FRMD6: variants seen among roughly 807,000 people sequenced by gnomAD.
FRMD6 encodes FERM domain containing 6.
A neutral mutation model predicts 73.2 loss-of-function variants in FRMD6; 37 were observed. The observed-to-expected ratio is 0.51, with a 90% CI of 0.39 to 0.66. The LOEUF (loss-of-function observed/expected upper bound fraction) is 0.66, where lower values mean the gene tolerates loss of function less well. Ranked by LOEUF, FRMD6 falls within the 30% of genes least tolerant of loss-of-function variation. The pLI is 0.00. For missense variants in FRMD6, 714 were observed against 780.5 expected (o/e 0.91, Z 1.02); for synonymous variants, 273 against 282.2 (o/e 0.97, Z 0.33).
intron 2 of FRMD6, chr14:51,637,298 C>T (rs1267378854): frequency 6.6e-6 from 1 of 152,100 alleles, no homozygotes; most frequent in Admixed American, 6.5e-5. Context: ...GCAGAAAATT[C>T]TACCTAAGGA....
intron 3 of FRMD6, among the ~76,000 whole-genome samples, chr14:51,699,724 G>A (rs1896175101): frequency 6.6e-6 from 1 of 151,908 alleles, no homozygotes; most frequent in Non-Finnish European, 1.5e-5. Flanking sequence ...AGGTGGCAGA[G>A]GTATAGTGGC....
chr14:51,428,987 G>GAGAGGGTGAGAGAGAGAGGGGAGAA, the FRMD6 span, among the ~76,000 whole-genome samples: 1 of 144,900 alleles, frequency 6.9e-6, no homozygotes, highest in South Asian at 2.3e-4. Context: ...AGAGGGGAGA[G>GAGAGGGTGAGAGAGAGAGGGGAGAA]AGAGGGTGGG....
intron 1 of FRMD6, among the ~76,000 whole-genome samples, chr14:51,527,399 A>C (rs1043923241): frequency 6.6e-6 from 1 of 152,256 alleles, no homozygotes; most frequent in African/African-American, 2.4e-5. Flanking sequence ...GCTTGTCCCC[A>C]AACATCCATA....
At chr14:51,401,114 T>C in the FRMD6 span, among the ~76,000 whole-genome samples, 10 of 152,216 alleles carry the variant, frequency 6.6e-5, no homozygotes, top group Non-Finnish European at 1.2e-4. Context: ...TTTAAAATAA[T>C]GAGAAACCTT....
At chr14:51,712,459 T>G in intron 8 of FRMD6, 24 bp from the exon 9 acceptor site, 1 of 1,412,202 alleles carries the variant, frequency 7.1e-7, no homozygotes, top group Non-Finnish European at 1.0e-6. Context: ...TCCCATTAAC[T>G]CCATATGCAT....
chr14:51,410,678 CCCAAAGAAAACCAT>C, the FRMD6 span, among the ~76,000 whole-genome samples: 13 of 152,316 alleles, frequency 8.5e-5, no homozygotes, highest in African/African-American at 2.4e-4. Flanking sequence ...AAATCTACCA[CCCAAAGAAAACCAT>C]GGTCAAACAC....
the FRMD6 span, chr14:51,436,108 C>A: frequency 4.4e-6 from 1 of 225,432 alleles, no homozygotes; most frequent in South Asian, 6.7e-5. Context: ...GCCCTGAGAC[C>A]AGAGAAGACA....
chr14:51,477,270 C>T, the FRMD6 span, among the ~76,000 whole-genome samples: 1 of 152,008 alleles, frequency 6.6e-6, no homozygotes, highest in African/African-American at 2.4e-5. Flanking sequence ...ACTTCTCAAC[C>T]CTGAAGGCTA....
chr14:51,662,617 T>A (rs1036389846), intron 1 of FRMD6, among the ~76,000 whole-genome samples: 1 of 152,192 alleles, frequency 6.6e-6, no homozygotes, highest in Non-Finnish European at 1.5e-5. Flanking sequence ...GAAATTGGAC[T>A]GCCTCCTTAT....
At chr14:51,585,514 G>T (rs1480123930) in intron 2 of FRMD6, among the ~76,000 whole-genome samples, 1 of 152,128 alleles carries the variant, frequency 6.6e-6, no homozygotes, top group Non-Finnish European at 1.5e-5. Flanking sequence ...GGGATTAAAA[G>T]CAAAGACCTG....
chr14:51,589,562 G>A (rs1490008537), intron 2 of FRMD6, among the ~76,000 whole-genome samples: 1 of 151,828 alleles, frequency 6.6e-6, no homozygotes, highest in Non-Finnish European at 1.5e-5. Flanking sequence ...TCCACTGAGG[G>A]ATGAAAATGC....
chr14:51,405,400 A>G, the FRMD6 span, among the ~76,000 whole-genome samples: 1 of 152,154 alleles, frequency 6.6e-6, no homozygotes, highest in Admixed American at 6.5e-5. Context: ...TCAACTGTGT[A>G]TAAGTGTTCC....
chr14:51,451,698 C>A, the FRMD6 span, among the ~76,000 whole-genome samples: 584 of 152,284 alleles, frequency 3.8e-3, 2 homozygotes, highest in East Asian at 8.7e-3. Context: ...CTATTTAGTT[C>A]GCACAAGAGC....
chr14:51,570,357 C>T (rs974483399), exon 2 of FRMD6: 1 of 152,118 alleles, frequency 6.6e-6, no homozygotes, highest in Non-Finnish European at 1.5e-5. Flanking sequence ...GCCTTCATAT[C>T]TGTTTTTTTC....
At chr14:51,703,934 A>G (rs1896479286) in intron 5 of FRMD6, among the ~76,000 whole-genome samples, 1 of 152,048 alleles carries the variant, frequency 6.6e-6, no homozygotes, top group Non-Finnish European at 1.5e-5. Context: ...AAAGCATCCT[A>G]TTTGCCAGTA....
At chr14:51,400,026 G>T in the FRMD6 span, among the ~76,000 whole-genome samples, 59,554 of 151,700 alleles carry the variant, frequency 0.39, 12,389 homozygotes, top group African/African-American at 0.54. Context: ...GGGCACAATG[G>T]AATGTTTCAA....
intron 1 of FRMD6, among the ~76,000 whole-genome samples, chr14:51,525,945 T>C (rs1222530133): frequency 6.6e-6 from 1 of 152,054 alleles, no homozygotes; most frequent in East Asian, 1.9e-4. Context: ...AAAACCACCA[T>C]GAAAGGGGTG....
At chr14:51,525,010 T>TC (rs1885152061) in intron 1 of FRMD6, among the ~76,000 whole-genome samples, 1 of 51,004 alleles carries the variant, frequency 2.0e-5, no homozygotes, top group African/African-American at 8.0e-5. Flanking sequence ...GGATTGTGTG[T>TC]TGGGTGGGTG....
the FRMD6 span, chr14:51,436,804 AGAT>A: frequency 1.7e-5 from 9 of 542,966 alleles, no homozygotes; most frequent in East Asian, 4.0e-5. Context: ...GAGAAGGAGA[AGAT>A]GATGATGAAG....
Sources: gnomAD v4.1 joint callset for allele counts (sites outside exome capture counted in the v4.1 genomes callset) on GRCh38, gnomAD v4.1.1 for gene constraint, MANE v1.5 for transcripts, NCBI Gene and HGNC (gene_info 2026-07-23, HGNC 2026-07-21) for gene names.